SPRY3: variants seen among roughly 807,000 people sequenced by gnomAD.
The protein encoded by SPRY3 is protein sprouty homolog 3.
A neutral mutation model predicts 20.2 loss-of-function variants in SPRY3; 15 were observed. That is an observed-to-expected ratio of 0.74 (90% CI 0.50 to 1.14). The LOEUF (loss-of-function observed/expected upper bound fraction) is 1.14, where lower values mean the gene tolerates loss of function less well. SPRY3 is among the 50% of genes most tolerant of loss of function. The probability of loss-of-function intolerance (pLI) is 0.00; values close to 1 mark genes in which losing one functional copy is unlikely to be tolerated. For missense variants in SPRY3, 364 were observed against 363.9 expected, an observed-to-expected ratio of 1.00 and a Z score of 0.00; for synonymous variants, 143 against 136.5, an observed-to-expected ratio of 1.05 and a Z score of -0.33.
At chrX:155,693,007 T>C (rs1346104075) in intron 2 of SPRY3, among the ~76,000 whole-genome samples, 4 of 111,072 alleles carry the variant, frequency 3.6e-5, no homozygotes, top group African/African-American at 9.8e-5. Context: ...TTCATTGTTT[T>C]TTCCTCTTTA....
At chrX:155,768,959 T>C (rs1240937576) in intron 3 of SPRY3, among the ~76,000 whole-genome samples, 1 of 152,224 alleles carries the variant, frequency 6.6e-6, no homozygotes, top group African/African-American at 2.4e-5. Flanking sequence ...CTATTGTTGC[T>C]TTTCTGGTAA....
At chrX:155,736,519 T>C (rs2091170766) in intron 2 of SPRY3, among the ~76,000 whole-genome samples, 2 of 151,988 alleles carry the variant, frequency 1.3e-5, no homozygotes, top group African/African-American at 4.8e-5. Context: ...TCCACTTTCT[T>C]CTTGCTTTCA....
chrX:155,737,591 A>G (rs1376111229), intron 2 of SPRY3, among the ~76,000 whole-genome samples: 4 of 152,280 alleles, frequency 2.6e-5, no homozygotes, highest in African/African-American at 9.6e-5. Context: ...ATAGGAGCTA[A>G]CCAAATAAAG....
At chrX:155,719,296 C>CGA (rs2091041169) in intron 2 of SPRY3, among the ~76,000 whole-genome samples, 1 of 152,106 alleles carries the variant, frequency 6.6e-6, no homozygotes, top group African/African-American at 2.4e-5. Flanking sequence ...GGGAAATCAC[C>CGA]AGCCCTAATG....
exon 3 of SPRY3, chrX:155,768,018 C>A (rs944326811): frequency 6.6e-6 from 1 of 152,124 alleles, no homozygotes; most frequent in African/African-American, 2.4e-5. Flanking sequence ...AAGGAGTTTT[C>A]ATTCAGACTT....
intron 2 of SPRY3, among the ~76,000 whole-genome samples, chrX:155,734,749 T>A (rs1328782292): frequency 6.6e-6 from 1 of 152,092 alleles, no homozygotes; most frequent in Non-Finnish European, 1.5e-5. Flanking sequence ...CTTCTTTTTT[T>A]CTTGGTTAGC....
chrX:155,774,576 G>A (rs1427490108), exon 4 of SPRY3: 2 of 1,613,854 alleles, frequency 1.2e-6, no homozygotes, highest in Admixed American at 1.7e-5. Flanking sequence ...TACCCTGCCT[G>A]TGCTGCTACC....
At chrX:155,657,367 G>A (rs1195229942) in intron 2 of SPRY3, among the ~76,000 whole-genome samples, 2 of 112,085 alleles carry the variant, frequency 1.8e-5, no homozygotes, top group Non-Finnish European at 3.8e-5. Context: ...TTGCCATGCT[G>A]TGTTGAGTTC....
chrX:155,619,625 T>C (rs1266057104), intron 1 of SPRY3, among the ~76,000 whole-genome samples: 1 of 111,265 alleles, frequency 9.0e-6, no homozygotes, highest in African/African-American at 3.3e-5. Flanking sequence ...CTTCATGATC[T>C]TGTGTTAGGC....
chrX:155,757,391 G>A (rs767711994), intron 2 of SPRY3, among the ~76,000 whole-genome samples: 12 of 152,206 alleles, frequency 7.9e-5, no homozygotes, highest in Admixed American at 1.3e-4. Context: ...ATGTCACTTA[G>A]TGAGGGAGAC....
At chrX:155,682,668 G>A (rs894145141) in intron 2 of SPRY3, among the ~76,000 whole-genome samples, 2 of 111,954 alleles carry the variant, frequency 1.8e-5, no homozygotes, top group Non-Finnish European at 3.8e-5. Context: ...CTACAGATGT[G>A]TGCCATCGCA....
intron 2 of SPRY3, among the ~76,000 whole-genome samples, chrX:155,730,060 G>T (rs2091123307): frequency 6.6e-6 from 1 of 151,594 alleles, no homozygotes; most frequent in Non-Finnish European, 1.5e-5. Flanking sequence ...AAGTCTCCCA[G>T]CACAGAAATG....
chrX:155,692,268 T>C (rs915230900), intron 2 of SPRY3, among the ~76,000 whole-genome samples: 2 of 111,335 alleles, frequency 1.8e-5, no homozygotes, highest in Non-Finnish European at 3.8e-5. Context: ...CATTTTTTTT[T>C]CCATGTGAAT....
At chrX:155,649,829 A>G (rs1462199883) in intron 1 of SPRY3, among the ~76,000 whole-genome samples, 2 of 111,430 alleles carry the variant, frequency 1.8e-5, no homozygotes, top group African/African-American at 6.5e-5. Context: ...AAGTCAAATT[A>G]TCTCTGTTTG....
At chrX:155,684,744 T>C (rs897453248) in intron 2 of SPRY3, among the ~76,000 whole-genome samples, 12 of 111,990 alleles carry the variant, frequency 1.1e-4, no homozygotes, top group African/African-American at 3.9e-4. Flanking sequence ...CAGATTTTCT[T>C]TTGGCATCAT....
At chrX:155,733,134 T>G (rs748394720) in intron 2 of SPRY3, among the ~76,000 whole-genome samples, 1 of 152,014 alleles carries the variant, frequency 6.6e-6, no homozygotes, top group East Asian at 1.9e-4. Flanking sequence ...GTTGTACATT[T>G]TAAGATAACT....
chrX:155,628,694 T>A (rs148158282), intron 1 of SPRY3, among the ~76,000 whole-genome samples: 4 of 112,278 alleles, frequency 3.6e-5, no homozygotes, highest in East Asian at 2.8e-4. Context: ...AAGGCTTTTT[T>A]AAATTTTTTG....
chrX:155,696,455 G>A (rs1465499035), intron 2 of SPRY3, among the ~76,000 whole-genome samples: 3 of 110,893 alleles, frequency 2.7e-5, no homozygotes, highest in Admixed American at 9.6e-5. Context: ...AATATACACA[G>A]CAACTTGCTA....
chrX:155,659,428 C>A (rs782322618), intron 2 of SPRY3, among the ~76,000 whole-genome samples: 13 of 110,422 alleles, frequency 1.2e-4, no homozygotes, highest in African/African-American at 4.3e-4. Flanking sequence ...TACAGACGTG[C>A]GCCACCACAC....
Sources: gnomAD v4.1 joint callset for allele counts (sites outside exome capture counted in the v4.1 genomes callset) on GRCh38, gnomAD v4.1.1 for gene constraint, MANE v1.5 for transcripts, NCBI Gene and HGNC (gene_info 2026-07-23, HGNC 2026-07-21) for gene names.